The following MYO16 variants were observed in gnomAD, a reference collection of about 807,000 sequenced individuals.
The protein encoded by MYO16 is unconventional myosin-XVI.
Under a neutral mutation model 205.3 loss-of-function variants are expected in MYO16, and 94 were observed. That is an observed-to-expected ratio of 0.46 (90% CI 0.39 to 0.54). The LOEUF (loss-of-function observed/expected upper bound fraction) is 0.54, where lower values mean the gene tolerates loss of function less well. Ranked by LOEUF, MYO16 falls within the 20% of genes least tolerant of loss-of-function variation. The pLI is 0.00. For missense variants in MYO16, 2,315 were observed against 2,387.5 expected, an observed-to-expected ratio of 0.97 and a Z score of 0.63; for synonymous variants, 988 against 954.0, an observed-to-expected ratio of 1.04 and a Z score of -0.66.
chr13:108,591,404 T>C (rs1251233144), upstream of MYO16, among the ~76,000 whole-genome samples: 1 of 152,012 alleles, frequency 6.6e-6, no homozygotes, highest in East Asian at 1.9e-4. Flanking sequence ...TAGTTGAAAA[T>C]TGAGTTCAAC....
intron 28 of MYO16, among the ~76,000 whole-genome samples, chr13:109,113,514 C>T (rs754734444): frequency 1.3e-5 from 2 of 152,154 alleles, no homozygotes; most frequent in African/African-American, 2.4e-5. Context: ...AGAAAGATCA[C>T]GCTGAATATA....
intron 15 of MYO16, among the ~76,000 whole-genome samples, chr13:108,899,812 C>T (rs1594380623): frequency 6.6e-6 from 1 of 152,222 alleles, no homozygotes; most frequent in East Asian, 1.9e-4. Flanking sequence ...CAGCCCCTTG[C>T]CACTCAAATG....
intron 17 of MYO16, among the ~76,000 whole-genome samples, chr13:108,958,786 A>G (rs1484162508): frequency 6.6e-6 from 1 of 152,116 alleles, no homozygotes; most frequent in East Asian, 1.9e-4. Flanking sequence ...TTCAATCTCT[A>G]TTTCCCAGAG....
At chr13:108,957,574 C>A in intron 16 of MYO16, 114 bp from the exon 17 acceptor site, 1 of 659,934 alleles carries the variant, frequency 1.5e-6, no homozygotes, top group Non-Finnish European at 2.7e-6. Context: ...GTGGGGACAC[C>A]ATGTCCAGGT....
rs1179588415 is a variant in MYO16 at position 108,714,582 on chromosome 13, G to GTGTGTGTGTC, written c.363+1861_363+1870dup. On this transcript the variant is annotated intron_variant, in intron 3 of 34. Transcript: ENST00000457511. ...CAGGGAGAGACTGTCACTTCTTCAC[G>GTGTGTGTGTC]TGTGTGTGTCTGTGTGTGTGTGTGT... is the stretch of plus-strand genomic sequence containing the variant. Among the ~76,000 whole-genome samples, 378 of 143,042 alleles carry GTGTGTGTGTC rather than the reference G, an allele frequency of 2.6e-3. 2 individuals carry two copies. The highest frequency in any genetic ancestry group is 8.0e-3 in the African/African-American group (307 of 38,310). The allele number at this position is 143,042 out of a possible 152,430, so 93.8% of individuals were successfully genotyped here.
chr13:108,567,541 A>G, the MYO16 span, among the ~76,000 whole-genome samples: 1 of 152,184 alleles, frequency 6.6e-6, no homozygotes, highest in African/African-American at 2.4e-5. Context: ...AAAATTACTA[A>G]CAGAACCACA....
In MYO16 at chr13:109,127,393, G is replaced by A. The variant is rs761327520; in HGVS notation, c.3894G>A (p.Ser1298=). The A allele has an allele frequency of 1.2e-5, 19 of 1,613,806 alleles. No homozygotes were observed. The highest frequency in any genetic ancestry group is 1.6e-4 in the Middle Eastern group (1 of 6,084). ...TTGGCCCGTCCATCTGGTCTCCTTCGCTGCACTCGGTGTTCAGCATGGATG... is the reference window on the plus strand; with the variant it reads ...TTGGCCCGTCCATCTGGTCTCCTTCACTGCACTCGGTGTTCAGCATGGATG... ...CLVGPSIWSP[S]LHSVFSMDDS... Residue 1298 remains serine, a synonymous_variant, in exon 31 of 35, where the codon TCG becomes TCA. Coordinates refer to ENST00000457511, the MANE Select transcript of MYO16 (RefSeq NM_001198950.3). The surrounding 1 kb of genome is among the most constrained non-coding windows in gnomAD (Gnocchi z 4.2).
chr13:108,715,913 G>A (rs9520983), intron 3 of MYO16, among the ~76,000 whole-genome samples: 29,461 of 151,850 alleles, frequency 0.19, 4,014 homozygotes, highest in East Asian at 0.56. Context: ...GGAATATGTG[G>A]CTTTTTCTCT....
intron 4 of MYO16, among the ~76,000 whole-genome samples, chr13:108,784,354 C>T (rs1336869980): frequency 6.6e-6 from 1 of 151,854 alleles, no homozygotes; most frequent in Non-Finnish European, 1.5e-5. Context: ...AAATATATGA[C>T]TTGCTTTGTT....
intron 1 of MYO16, among the ~76,000 whole-genome samples, chr13:108,643,860 A>G (rs79211327): frequency 0.025 from 3,876 of 152,304 alleles, 131 homozygotes; most frequent in East Asian, 0.18. Flanking sequence ...GTATCTTGAG[A>G]CACTGAAATT....
At chr13:108,727,627 T>C in intron 4 of MYO16, 44 bp downstream of exon 4, 1 of 1,578,216 alleles carries the variant, frequency 6.3e-7, no homozygotes, top group Non-Finnish European at 8.6e-7. Flanking sequence ...TTTGATGGCA[T>C]GTAAAAGGCT....
chr13:108,844,022 A>G (rs1478989561), intron 9 of MYO16, among the ~76,000 whole-genome samples: 1 of 152,132 alleles, frequency 6.6e-6, no homozygotes, highest in Admixed American at 6.6e-5. Flanking sequence ...AATCTTGTCT[A>G]GTTCAGCCAT....
intron 20 of MYO16, among the ~76,000 whole-genome samples, chr13:108,980,062 A>T (rs988530661): frequency 6.6e-6 from 1 of 152,136 alleles, no homozygotes; most frequent in Non-Finnish European, 1.5e-5. Context: ...TTTTCAGGAG[A>T]TGGAGAGGAA....
At chr13:109,033,937 T>C (rs1472861953) in intron 23 of MYO16, among the ~76,000 whole-genome samples, 1 of 152,144 alleles carries the variant, frequency 6.6e-6, no homozygotes, top group Non-Finnish European at 1.5e-5. Context: ...TCCTCCTGCC[T>C]TGTCATTTTC....
At chr13:108,679,628 C>A (rs935954897) in intron 2 of MYO16, among the ~76,000 whole-genome samples, 3 of 151,282 alleles carry the variant, frequency 2.0e-5, no homozygotes, top group African/African-American at 4.9e-5. Flanking sequence ...AAACTGATCA[C>A]ATTATCTTCA....
At chr13:108,787,048 A>G (rs982180977) in intron 5 of MYO16, among the ~76,000 whole-genome samples, 4 of 152,260 alleles carry the variant, frequency 2.6e-5, no homozygotes, top group African/African-American at 9.6e-5. Flanking sequence ...GTGAATTGAC[A>G]TGAAAAACTT....
chr13:108,855,399 T>C, intron 10 of MYO16, 44 bp from the exon 11 acceptor site: 4 of 1,220,398 alleles, frequency 3.3e-6, no homozygotes, highest in South Asian at 1.7e-5. Context: ...AGAAAGTTGA[T>C]TGGAAAGCAA....
intron 1 of MYO16, among the ~76,000 whole-genome samples, chr13:108,662,553 A>AGGGAACTG (rs1353218667): frequency 1.3e-5 from 2 of 152,052 alleles, no homozygotes; most frequent in African/African-American, 4.8e-5. Flanking sequence ...GCAGGTTGTC[A>AGGGAACTG]GGGAACTGGG....
chr13:108,840,403 A>AG (rs1384007551), intron 9 of MYO16, among the ~76,000 whole-genome samples: 1 of 152,112 alleles, frequency 6.6e-6, no homozygotes, highest in East Asian at 1.9e-4. Context: ...AAGTGGTGAG[A>AG]CTGTGGTGGT....
Sources: gnomAD v4.1 joint callset for allele counts (sites outside exome capture counted in the v4.1 genomes callset) on GRCh38, gnomAD v4.1.1 for gene constraint, Gnocchi (gnomAD v3.1) non-coding constraint, MANE v1.5 for transcripts, NCBI Gene and HGNC (gene_info 2026-07-23, HGNC 2026-07-21) for gene names.